The following RPAP2 variants were observed in gnomAD, a reference collection of about 807,000 sequenced individuals.
The protein encoded by RPAP2 is putative RNA polymerase II subunit B1 CTD phosphatase RPAP2.
Under a neutral mutation model 73.1 loss-of-function variants are expected in RPAP2, and 52 were observed. That is an observed-to-expected ratio of 0.71 (90% confidence interval 0.57 to 0.90). The LOEUF is 0.90. Among genes scored for constraint, RPAP2 ranks in the 40% least tolerant of loss-of-function variants. The pLI is 0.00. For missense variants in RPAP2, 598 were observed against 701.8 expected (o/e 0.85, Z 1.67); for synonymous variants, 225 against 242.1 (o/e 0.93, Z 0.65).
At chr1:92,325,151 C>T (rs1652552344) in intron 8 of RPAP2, among the ~76,000 whole-genome samples, 1 of 152,034 alleles carries the variant, frequency 6.6e-6, no homozygotes. Flanking sequence ...TTCTACTACC[C>T]ATCTTTGATT....
intron 12 of RPAP2, among the ~76,000 whole-genome samples, chr1:92,385,909 C>T (rs1446106737): frequency 1.3e-5 from 2 of 152,168 alleles, no homozygotes; most frequent in Non-Finnish European, 2.9e-5. Context: ...ATGATGTCAC[C>T]TGAAGGCTAG....
intron 11 of RPAP2, among the ~76,000 whole-genome samples, chr1:92,352,783 A>G (rs1654281944): frequency 1.3e-5 from 2 of 152,210 alleles, no homozygotes; most frequent in African/African-American, 2.4e-5. Context: ...TTGTACAACT[A>G]TCACCACTAT....
intron 9 of RPAP2, among the ~76,000 whole-genome samples, chr1:92,335,906 C>T (rs1653255111): frequency 6.6e-6 from 1 of 152,208 alleles, no homozygotes; most frequent in East Asian, 1.9e-4. Flanking sequence ...GGGTCAAACA[C>T]ATTTAAACTG....
At chr1:92,305,867 G>T (rs1204445806) in intron 5 of RPAP2, among the ~76,000 whole-genome samples, 4 of 152,184 alleles carry the variant, frequency 2.6e-5, no homozygotes, top group Non-Finnish European at 5.9e-5. Flanking sequence ...GCCTTTTTGA[G>T]AAATGGCTTG....
At chr1:92,343,925 C>T (rs751492420) in intron 10 of RPAP2, among the ~76,000 whole-genome samples, 2 of 152,124 alleles carry the variant, frequency 1.3e-5, no homozygotes, top group African/African-American at 2.4e-5. Flanking sequence ...TTCAGATGGA[C>T]GGAATAGCTG....
In RPAP2 at chr1:92,302,254, G is replaced by A. The variant is rs112170401; in HGVS notation, c.234+664G>A. 6.9e-3 allele frequency among the ~76,000 whole-genome samples: 1,040 copies of A among 151,496 alleles called. 12 individuals are homozygous for A. The highest frequency in any genetic ancestry group is 0.024 in the African/African-American group (993 of 41,206). On this transcript the variant is annotated intron_variant, in intron 3 of 12. Transcript: ENST00000610020. Reference sequence around the variant, plus strand: ...ATCACACCACTGCACTCCAGTCTGGGCAACAAGAGTGAGACTCTGTCTCAA... The same window carrying A: ...ATCACACCACTGCACTCCAGTCTGGACAACAAGAGTGAGACTCTGTCTCAA...
chr1:92,392,583 G>C lies in RPAP2; in HGVS notation c.*5572G>C, dbSNP rs1571162851. 6.6e-6 allele frequency: 1 copy of C among 152,312 alleles called. No homozygotes were observed. Among genetic ancestry groups the C allele is most frequent in the East Asian group, 1.9e-4 (1 of 5,192 alleles). 9.4% of individuals were successfully genotyped at this position (152,312 alleles called of 1,614,324 possible). On this transcript the variant is annotated 3_prime_UTR_variant, in exon 13 of 13. Transcript: ENST00000610020. ...TAAAGCATATTCAAATAGGAAGAGA[G>C]GAAGTCAAATTGTCTCTGTTTGCAG... is the stretch of plus-strand genomic sequence containing the variant.
chr1:92,369,673 G>A (rs113984057), intron 11 of RPAP2, among the ~76,000 whole-genome samples: 15 of 152,226 alleles, frequency 9.9e-5, no homozygotes, highest in East Asian at 3.9e-4. Context: ...CTTTCATTGT[G>A]TATTGGGGTA....
intron 12 of RPAP2, among the ~76,000 whole-genome samples, chr1:92,381,402 T>C (rs1557634344): frequency 6.6e-6 from 1 of 152,102 alleles, no homozygotes; most frequent in Admixed American, 6.6e-5. Context: ...CCCAAACCCT[T>C]CCCTCTTTCA....
intron 11 of RPAP2, among the ~76,000 whole-genome samples, chr1:92,373,397 G>A (rs933405335): frequency 2.6e-5 from 4 of 152,090 alleles, no homozygotes; most frequent in African/African-American, 9.7e-5. Context: ...TCTCCAGCTG[G>A]AAACTTTTAT....
At chr1:92,306,500 G>A (rs1284513252) in intron 5 of RPAP2, among the ~76,000 whole-genome samples, 1 of 152,150 alleles carries the variant, frequency 6.6e-6, no homozygotes, top group Non-Finnish European at 1.5e-5. Context: ...CTCTAACAAT[G>A]GAATGTAGTA....
At chr1:92,379,450 T>G (rs1170623881) in intron 11 of RPAP2, among the ~76,000 whole-genome samples, 1 of 152,198 alleles carries the variant, frequency 6.6e-6, no homozygotes, top group East Asian at 1.9e-4. Context: ...ATAATTAGAA[T>G]AGATATTGCT....
intron 12 of RPAP2, among the ~76,000 whole-genome samples, chr1:92,385,235 G>A (rs1452681787): frequency 6.6e-6 from 1 of 150,896 alleles, no homozygotes; most frequent in East Asian, 1.9e-4. Flanking sequence ...CTAGCCAGAA[G>A]TCCTTCTAAA....
intron 6 of RPAP2, among the ~76,000 whole-genome samples, chr1:92,320,395 C>T (rs1026224127): frequency 4.6e-5 from 7 of 152,118 alleles, no homozygotes; most frequent in Non-Finnish European, 1.0e-4. Context: ...GCCTCAGCCT[C>T]CTGAGTAGCT....
Position 92,361,114 on chromosome 1 carries a change from CACAT to C in RPAP2, c.1688+15202_1688+15205del, listed in dbSNP as rs1207149055. On this transcript the variant is annotated intron_variant, in intron 11 of 12. Coordinates refer to ENST00000610020, the MANE Select transcript of RPAP2 (RefSeq NM_024813.3). ...TATAATATATATATACACACACACA[CACAT>C]ATATATATATATACACACACATAAA... Among the ~76,000 whole-genome samples, 427 of 62,154 alleles carry C rather than the reference CACAT, an allele frequency of 6.9e-3. 3 individuals are homozygous for C. The highest frequency in any genetic ancestry group is 0.049 in the South Asian group (46 of 940). 40.8% of individuals were successfully genotyped at this position (62,154 alleles called of 152,430 possible).
intron 6 of RPAP2, among the ~76,000 whole-genome samples, chr1:92,308,659 AATTT>A (rs1297390225): frequency 6.6e-6 from 1 of 152,186 alleles, no homozygotes; most frequent in African/African-American, 2.4e-5. Flanking sequence ...TCCTTTAGCT[AATTT>A]AAAACAAATC....
intron 2 of RPAP2, among the ~76,000 whole-genome samples, chr1:92,300,697 G>A (rs1650777930): frequency 6.6e-6 from 1 of 152,222 alleles, no homozygotes; most frequent in African/African-American, 2.4e-5. Flanking sequence ...GGAGTAGAAT[G>A]TGAAGGGGAT....
Position 92,398,080 on chromosome 1 carries a change from G to A in RPAP2, c.*11069G>A, listed in dbSNP as rs1357603944. The A allele has an allele frequency of 6.6e-6, 1 of 152,222 alleles. No homozygotes were observed. Among genetic ancestry groups the A allele is most frequent in the Non-Finnish European group, 1.5e-5 (1 of 68,058 alleles). The allele number at this position is 152,222 out of a possible 1,614,324, so 9.4% of individuals were successfully genotyped here. A position where few individuals can be genotyped will look rare whatever the true frequency, so the allele number is the denominator to read the frequency against. ...GGTGAAGATCACCTGAGACCAGGCG[G>A]TCAAGGCTTCAGTGAGCCATGATTG... On this transcript the variant is annotated 3_prime_UTR_variant, in exon 13 of 13. Transcript: ENST00000610020.
At position 92,381,686 on chromosome 1, in the gene RPAP2, A is replaced by G. The variant is rs370958486; in HGVS notation, c.1838+813A>G. On this transcript the variant is annotated intron_variant, in intron 12 of 12. Transcript: ENST00000610020. ...TACAGACTGCATAAATATAAAAGGA[A>G]AATTCCCCCTTCACCTCTGCCTCTA... is the stretch of plus-strand genomic sequence containing the variant. 5.3e-5 allele frequency among the ~76,000 whole-genome samples: 8 copies of G among 151,806 alleles called. No homozygotes were observed. In the South Asian group the frequency reaches 1.7e-3, roughly 32 times the overall value.
Sources: allele counts gnomAD v4.1 joint callset (sites outside exome capture counted in the v4.1 genomes callset), GRCh38; gene constraint gnomAD v4.1.1; transcripts MANE v1.5; gene names NCBI Gene and HGNC (gene_info 2026-07-23, HGNC 2026-07-21).